TNIK: variants seen among roughly 807,000 people sequenced by gnomAD.
The protein encoded by TNIK is TRAF2 and NCK interacting kinase.
In TNIK, 49 loss-of-function variants were observed where a neutral mutation model predicts 191.3. That is an observed-to-expected ratio of 0.26 (90% CI 0.20 to 0.32). The LOEUF is 0.32. Ranked by LOEUF, TNIK falls within the 10% of genes least tolerant of loss-of-function variation. TNIK has a pLI of 1.00. For missense variants in TNIK, 1,155 were observed against 1,702.3 expected (o/e 0.68, Z 5.66); for synonymous variants, 594 against 600.9 (o/e 0.99, Z 0.17).
At chr3:171,352,534 C>G (rs1347187948) in intron 2 of TNIK, among the ~76,000 whole-genome samples, 1 of 152,188 alleles carries the variant, frequency 6.6e-6, no homozygotes, top group East Asian at 1.9e-4. Flanking sequence ...CTCTCCAACT[C>G]AGTGTATTTG....
intron 2 of TNIK, among the ~76,000 whole-genome samples, chr3:171,328,693 A>G (rs1756085368): frequency 6.6e-6 from 1 of 152,222 alleles, no homozygotes; most frequent in African/African-American, 2.4e-5. Flanking sequence ...GTTCAATTAA[A>G]ATGATTTGAG....
rs1417813289 is a variant in TNIK, at chr3:171,101,446, T to C, written c.2591+3A>G. 1.8e-5 allele frequency: 29 copies of C among 1,597,446 alleles called. No homozygotes were observed. Among genetic ancestry groups the C allele is most frequent in the Non-Finnish European group, 2.4e-5 (28 of 1,174,930 alleles). ...GTCTACACTTTAAAAGTAGTTCTCT[T>C]ACATCAGTCTGGGTATGTCGCTGAC... On this transcript the variant is annotated splice_donor_region_variant and intron_variant, in intron 22 of 32. Coordinates refer to ENST00000436636, the MANE Select transcript of TNIK (RefSeq NM_015028.4).
chr3:171,203,636 A>C (rs529384848), intron 4 of TNIK, among the ~76,000 whole-genome samples: 2 of 152,344 alleles, frequency 1.3e-5, no homozygotes, highest in South Asian at 4.1e-4. Context: ...ACCAAACTCA[A>C]CATATTTATC....
At chr3:171,225,524 A>C (rs1368226228) in intron 3 of TNIK, 1 of 456,168 alleles carries the variant, frequency 2.2e-6, no homozygotes, top group Non-Finnish European at 4.4e-6. Context: ...TGCATGTAAA[A>C]TGGCCTTACC....
chr3:171,216,591 G>A (rs1368920448), intron 3 of TNIK, among the ~76,000 whole-genome samples: 1 of 152,170 alleles, frequency 6.6e-6, no homozygotes, highest in African/African-American at 2.4e-5. Flanking sequence ...TAACAGGCTG[G>A]CGTTTTCCAG....
Position 171,272,966 on chromosome 3 carries a change from T to A in TNIK, c.124-44745A>T, listed in dbSNP as rs371629519. Reference sequence around the variant, plus strand: ...AATAGATATTCCAGTCTTCACAGATTGGCTTTGTCTGGGAACACCTTCAAC... The same window carrying A: ...AATAGATATTCCAGTCTTCACAGATAGGCTTTGTCTGGGAACACCTTCAAC... On this transcript the variant is annotated intron_variant, in intron 2 of 32. Coordinates refer to ENST00000436636, the MANE Select transcript of TNIK (RefSeq NM_015028.4). Among the ~76,000 whole-genome samples, 109 of 152,328 alleles carry A rather than the reference T, an allele frequency of 7.2e-4. 1 individual carries two copies. The South Asian group carries it at 0.021, about 29-fold the overall frequency.
intron 21 of TNIK, 42 bp from the exon 22 acceptor site, chr3:171,101,675 G>T: frequency 6.3e-7 from 1 of 1,588,804 alleles, no homozygotes; most frequent in South Asian, 1.1e-5. Flanking sequence ...TGGTAGATAC[G>T]ACCAAAGCTA....
In TNIK at chr3:171,228,181, A is replaced by G. The variant is rs756976782; in HGVS notation, c.164T>C (p.Val55Ala). The part of the protein sequence containing the change: ...VKTGQLAAIK[V>A]MDVTGDEEEE... ...GACACTTACCCCTGTGACATCCATA[A>G]CCTTGATGGCTGCAAGCTGGCCCGT... Residue 55 changes from valine to alanine, a missense_variant, in exon 3 of 33, where the codon GTT becomes GCT. Val to Ala is a moderately conservative substitution (Grantham distance 64, BLOSUM62 0). Coordinates refer to ENST00000436636, the MANE Select transcript of TNIK (RefSeq NM_015028.4). The G allele has an allele frequency of 6.2e-7, 1 of 1,613,682 alleles. No individual in the cohort carries two copies. Among genetic ancestry groups the G allele is most frequent in the Admixed American group, 1.7e-5 (1 of 60,004 alleles).
intron 4 of TNIK, among the ~76,000 whole-genome samples, chr3:171,198,123 A>G (rs1738930124): frequency 6.6e-6 from 1 of 152,180 alleles, no homozygotes; most frequent in South Asian, 2.1e-4. Flanking sequence ...ATGTGGATGA[A>G]TCACGTAAAA....
chr3:171,213,199 T>C (rs527569191), intron 3 of TNIK, among the ~76,000 whole-genome samples: 2 of 152,216 alleles, frequency 1.3e-5, no homozygotes, highest in Admixed American at 1.3e-4. Context: ...TGTCTTACTA[T>C]GGTGCACATT....
intron 2 of TNIK, among the ~76,000 whole-genome samples, chr3:171,271,038 C>G (rs1035165299): frequency 2.0e-5 from 3 of 152,182 alleles, no homozygotes; most frequent in African/African-American, 7.2e-5. Context: ...CTCACTCACT[C>G]TGCATCCTCT....
At chr3:171,144,720 T>C (rs1225923664) in intron 12 of TNIK, among the ~76,000 whole-genome samples, 7 of 152,208 alleles carry the variant, frequency 4.6e-5, no homozygotes, top group Non-Finnish European at 8.8e-5. Context: ...CCAGCACTTA[T>C]TCCTCTCGTC....
chr3:171,086,469 G>C (rs1359856986), intron 24 of TNIK, among the ~76,000 whole-genome samples: 1 of 152,234 alleles, frequency 6.6e-6, no homozygotes, highest in African/African-American at 2.4e-5. Context: ...GGTACCAAGA[G>C]AGGTGTTCAG....
At chr3:171,298,251 A>G (rs1752525547) in intron 2 of TNIK, among the ~76,000 whole-genome samples, 1 of 152,216 alleles carries the variant, frequency 6.6e-6, no homozygotes, top group African/African-American at 2.4e-5. Flanking sequence ...AGCCTTAGGT[A>G]TGCCCCTTCC....
At chr3:171,066,991 G>T (rs1718523602) in intron 30 of TNIK, among the ~76,000 whole-genome samples, 1 of 152,078 alleles carries the variant, frequency 6.6e-6, no homozygotes, top group South Asian at 2.1e-4. Context: ...GCCAGTCATG[G>T]GGCCCTTTAC....
chr3:171,186,828 G>A (rs1737425031), intron 7 of TNIK, among the ~76,000 whole-genome samples: 1 of 152,130 alleles, frequency 6.6e-6, no homozygotes, highest in Admixed American at 6.6e-5. Context: ...CCCATACCTA[G>A]AGTTATGCAC....
At chr3:171,085,011 TAA>T in intron 25 of TNIK, 105 bp downstream of exon 25, 2 of 785,452 alleles carry the variant, frequency 2.5e-6, no homozygotes, top group Non-Finnish European at 3.9e-6. Flanking sequence ...AGATAGGACC[TAA>T]GCAGTAATCA....
chr3:171,064,828 C>T (rs1169517805), intron 32 of TNIK, among the ~76,000 whole-genome samples: 1 of 152,206 alleles, frequency 6.6e-6, no homozygotes, highest in Non-Finnish European at 1.5e-5. Context: ...TCTAAAGTCT[C>T]TGCTACTTCA....
chr3:171,384,154 C>T (rs966193671), intron 1 of TNIK, among the ~76,000 whole-genome samples: 1 of 152,200 alleles, frequency 6.6e-6, no homozygotes, highest in African/African-American at 2.4e-5. Context: ...ATCATAGTTC[C>T]TACCTAAGGT....
Sources: allele counts gnomAD v4.1 joint callset (sites outside exome capture counted in the v4.1 genomes callset), GRCh38; gene constraint gnomAD v4.1.1; transcripts MANE v1.5; gene names NCBI Gene and HGNC (gene_info 2026-07-23, HGNC 2026-07-21).